CADPS: variants seen among roughly 807,000 people sequenced by gnomAD.
CADPS encodes calcium-dependent secretion activator 1.
In CADPS, 57 loss-of-function variants were observed where a neutral mutation model predicts 167.3. The observed-to-expected ratio is 0.34, with a 90% confidence interval of 0.28 to 0.42. The LOEUF is 0.42. Ranked by LOEUF, CADPS falls within the 20% of genes least tolerant of loss-of-function variation. The pLI, the probability that CADPS is intolerant of heterozygous loss-of-function variation, is 1.00. For synonymous variants in CADPS, 676 were observed against 635.3 expected (o/e 1.06, Z -0.96); for missense variants, 1,414 against 1,738.1 (o/e 0.81, Z 3.32).
intron 17 of CADPS, among the ~76,000 whole-genome samples, chr3:62,507,214 G>A (rs997331068): frequency 1.3e-5 from 2 of 152,082 alleles, no homozygotes; most frequent in Non-Finnish European, 2.9e-5. Flanking sequence ...CAAGGCTAGG[G>A]AACACCCCAG....
intron 6 of CADPS, among the ~76,000 whole-genome samples, chr3:62,622,306 C>T (rs764838076): frequency 1.3e-5 from 2 of 152,088 alleles, no homozygotes; most frequent in Non-Finnish European, 2.9e-5. Context: ...TGAATTTCTA[C>T]GATGTCCGGG....
At chr3:62,491,175 C>A (rs1485818161) in intron 21 of CADPS, among the ~76,000 whole-genome samples, 164 bp downstream of exon 21, 1 of 152,202 alleles carries the variant, frequency 6.6e-6, no homozygotes, top group African/African-American at 2.4e-5. Flanking sequence ...GACCCTCCTG[C>A]CATTTGGGCA....
Position 62,683,466 on chromosome 3 carries a change from T to G in CADPS, c.889-21072A>C, listed in dbSNP as rs898959945. ...CTTTTTTGTATTAAATCAGCTGTTT[T>G]GGAATCATTTTAGATTTACAGAAAA... On this transcript the variant is annotated intron_variant, in intron 3 of 29. Transcript: ENST00000383710. 7.9e-5 allele frequency among the ~76,000 whole-genome samples: 12 copies of G among 152,214 alleles called. No homozygotes were observed. The East Asian group carries it at 2.3e-3, about 30-fold the overall frequency.
At chr3:62,842,192 C>T (rs926893402) in intron 1 of CADPS, among the ~76,000 whole-genome samples, 2 of 152,162 alleles carry the variant, frequency 1.3e-5, no homozygotes, top group African/African-American at 2.4e-5. Context: ...ACTCTAACAA[C>T]AGTTACCAGT....
intron 1 of CADPS, among the ~76,000 whole-genome samples, chr3:62,777,046 C>G (rs541581850): frequency 5.3e-4 from 80 of 152,180 alleles, no homozygotes; most frequent in Middle Eastern, 6.8e-3. Flanking sequence ...AGTCCAAAAA[C>G]AAAGTCACAA....
At position 62,874,542 on chromosome 3, in the gene CADPS, C is replaced by T. The variant is rs1203333993; in HGVS notation, c.441+47G>A. The T allele has an allele frequency of 1.4e-6, 2 of 1,448,504 alleles. No individual in the cohort carries two copies. The highest frequency in any genetic ancestry group is 1.8e-4 in the Middle Eastern group (1 of 5,460). 89.7% of individuals were successfully genotyped at this position (1,448,504 alleles called of 1,614,324 possible). A position where few individuals can be genotyped will look rare whatever the true frequency, so the allele number is the denominator to read the frequency against. On this transcript the variant is annotated intron_variant, in intron 1 of 29. Transcript: ENST00000383710. The surrounding 1 kb of genome is among the most constrained non-coding windows in gnomAD (Gnocchi z 7.1). Reference sequence around the variant, plus strand: ...AGCTCCCATTGTTCACCCCGCCCGCCTGGCGACGTCCGGGTGCTGCTCCCT... The same window carrying T: ...AGCTCCCATTGTTCACCCCGCCCGCTTGGCGACGTCCGGGTGCTGCTCCCT...
intron 3 of CADPS, among the ~76,000 whole-genome samples, chr3:62,695,389 T>C (rs1446272736): frequency 2.0e-5 from 3 of 152,088 alleles, no homozygotes; most frequent in African/African-American, 4.8e-5. Context: ...GAAGTGGCCC[T>C]GCAAAGCTGT....
intron 3 of CADPS, among the ~76,000 whole-genome samples, chr3:62,747,266 C>T (rs929972419): frequency 2.6e-5 from 4 of 152,118 alleles, no homozygotes; most frequent in East Asian, 3.9e-4. Flanking sequence ...ATCACTCATG[C>T]GAAGAACTAT....
rs2058943812 is a variant in CADPS, at chr3:62,458,343, G to A, written c.3636+7024C>T. ...CGTTTCTGTTAGTCTGGGCTTCACA[G>A]TCACACCTTTATCTTAATCACTCTC... is the stretch of plus-strand genomic sequence containing the variant. On this transcript the variant is annotated intron_variant, in intron 26 of 29. Transcript: ENST00000383710. The surrounding 1 kb of genome is among the most constrained non-coding windows in gnomAD (Gnocchi z 4.6). 6.6e-6 allele frequency among the ~76,000 whole-genome samples: 1 copy of A among 152,136 alleles called. No individual in the cohort carries two copies.
chr3:62,834,440 A>T (rs1439676386), intron 1 of CADPS, among the ~76,000 whole-genome samples: 1 of 152,160 alleles, frequency 6.6e-6, no homozygotes, highest in East Asian at 1.9e-4. Context: ...GGGTACTAGC[A>T]CTTCATCAGT....
intron 6 of CADPS, among the ~76,000 whole-genome samples, chr3:62,634,684 C>T (rs2065932999): frequency 6.6e-6 from 1 of 152,114 alleles, no homozygotes; most frequent in South Asian, 2.1e-4. Context: ...CAAGTTGAAG[C>T]CAAAGGTATA....
At chr3:62,479,986 C>T (rs562624247) in intron 22 of CADPS, among the ~76,000 whole-genome samples, 2 of 152,016 alleles carry the variant, frequency 1.3e-5, no homozygotes, top group African/African-American at 2.4e-5. Context: ...CATATGAATG[C>T]AATAATTGGT....
chr3:62,494,816 T>C (rs1006009732), intron 18 of CADPS, among the ~76,000 whole-genome samples: 3 of 150,278 alleles, frequency 2.0e-5, no homozygotes, highest in African/African-American at 5.0e-5. Context: ...TAATTTTTTT[T>C]TGTTGTTTGT....
rs537833390 is a variant in CADPS at position 62,449,963 on chromosome 3, A to T, written c.3637-4166T>A. 2.5e-3 allele frequency among the ~76,000 whole-genome samples: 378 copies of T among 152,268 alleles called. 2 individuals carry two copies. The highest frequency in any genetic ancestry group is 2.7e-3 in the Non-Finnish European group (187 of 68,012). On this transcript the variant is annotated intron_variant, in intron 26 of 29. Transcript: ENST00000383710. ...CTTAACTTCTCTGAGCTTCCTTTGT[A>T]AATGGGACAGTAATAACGCTACTCA...
At chr3:62,734,091 A>G (rs923948641) in intron 3 of CADPS, among the ~76,000 whole-genome samples, 13 of 152,188 alleles carry the variant, frequency 8.5e-5, no homozygotes, top group African/African-American at 3.1e-4. Context: ...TTTTGCTGCT[A>G]TAAATATGCA....
chr3:62,520,491 C>T (rs532578187), intron 13 of CADPS, among the ~76,000 whole-genome samples: 1 of 152,330 alleles, frequency 6.6e-6, no homozygotes, highest in East Asian at 1.9e-4. Flanking sequence ...CACTATTAAT[C>T]TCACTATTCC....
intron 19 of CADPS, among the ~76,000 whole-genome samples, chr3:62,492,984 C>T (rs528776508): frequency 6.6e-6 from 1 of 152,272 alleles, no homozygotes; most frequent in South Asian, 2.1e-4. Flanking sequence ...TCAAAGAAAA[C>T]CATTGTTGCA....
chr3:62,753,563 C>T lies in CADPS; in HGVS notation c.766G>A (p.Ala256Thr), dbSNP rs762164412. Residue 256 changes from alanine to threonine, a missense_variant, in exon 3 of 30, where the codon GCC becomes ACC. Transcript: ENST00000383710. The surrounding 1 kb of genome is among the most constrained non-coding windows in gnomAD (Gnocchi z 4.6). ...GAGGCTGCGCTGGCTGTCATCCGGG[C>T]CTGCTGCTTCCGCGGGTCCTCTTCT... is the stretch of plus-strand genomic sequence containing the variant. ...RGEEDPRKQQARMTASAASEL... is the reference protein window; with the variant it reads ...RGEEDPRKQQTRMTASAASEL... 2.5e-6 allele frequency: 4 copies of T among 1,614,106 alleles called. No homozygotes were observed. In the South Asian group the frequency reaches 4.4e-5, roughly 18 times the overall value.
intron 18 of CADPS, among the ~76,000 whole-genome samples, chr3:62,498,526 G>T (rs1421242707): frequency 6.6e-6 from 1 of 151,946 alleles, no homozygotes; most frequent in Non-Finnish European, 1.5e-5. Context: ...AGTCCTTATA[G>T]GTTTGGGATT....
Sources: gnomAD v4.1 joint callset for allele counts (sites outside exome capture counted in the v4.1 genomes callset) on GRCh38, gnomAD v4.1.1 for gene constraint, Gnocchi (gnomAD v3.1) non-coding constraint, MANE v1.5 for transcripts, NCBI Gene and HGNC (gene_info 2026-07-23, HGNC 2026-07-21) for gene names.